The following PGM1 variants were observed in gnomAD, a reference collection of about 807,000 sequenced individuals.
PGM1 encodes the protein phosphoglucomutase 1.
PGM1 carries 52 observed loss-of-function variants against 55.6 expected under a neutral mutation model. The ratio of observed to expected loss-of-function variants is 0.94; its 90% CI spans 0.75 to 1.18. The LOEUF (loss-of-function observed/expected upper bound fraction) is 1.18. Ranked by LOEUF, PGM1 falls within the 50% of genes most tolerant of loss-of-function variation. The probability of loss-of-function intolerance (pLI) is 0.00; values close to 1 mark genes in which losing one functional copy is unlikely to be tolerated. For missense variants in PGM1, 724 were observed against 729.3 expected (o/e 0.99, Z 0.08); for synonymous variants, 287 against 271.7 (o/e 1.06, Z -0.55).
intron 4 of PGM1, among the ~76,000 whole-genome samples, chr1:63,634,020 G>A (rs567830758): frequency 7.3e-6 from 1 of 137,726 alleles, no homozygotes; most frequent in African/African-American, 2.7e-5. Flanking sequence ...GACCTCATGT[G>A]ATCTGTCTGC....
intron 2 of PGM1, 33 bp downstream of exon 2, chr1:63,629,620 T>C (rs1263350163): frequency 6.2e-7 from 1 of 1,600,726 alleles, no homozygotes; most frequent in Non-Finnish European, 8.6e-7. Context: ...GACAGGTAAG[T>C]TTACATTCAG....
intron 1 of PGM1, among the ~76,000 whole-genome samples, chr1:63,624,249 C>CT (rs1222032743): frequency 8.2e-3 from 1 of 122 alleles, no homozygotes; most frequent in African/African-American, 0.05. Flanking sequence ...CGCAGAAATG[C>CT]TAGGAGGGGT....
chr1:63,596,234 T>G (rs1484145724), intron 1 of PGM1, among the ~76,000 whole-genome samples: 11 of 151,028 alleles, frequency 7.3e-5, no homozygotes, highest in African/African-American at 2.7e-4. Flanking sequence ...TTCTTCTTTC[T>G]TTCTTTCTTT....
chr1:63,609,971 T>G (rs1322430461), intron 1 of PGM1, among the ~76,000 whole-genome samples: 1 of 152,234 alleles, frequency 6.6e-6, no homozygotes, highest in Non-Finnish European at 1.5e-5. Flanking sequence ...GACCACTTGG[T>G]GGCTACCTAA....
rs920723420 is a variant in PGM1 at position 63,654,756 on chromosome 1, AAATTAATT to A, written c.1599+305_1599+312del. On this transcript the variant is annotated intron_variant, in intron 10 of 10. Transcript: ENST00000371084. The stretch of plus-strand genomic sequence containing the variant: ...GAGCAAGAGTGAGACCTTATATCAA[AAATTAATT>A]AATTAATTAATTAAAAATAAAAAAT... Among the ~76,000 whole-genome samples, 6 of 152,116 alleles carry A rather than the reference AAATTAATT, an allele frequency of 3.9e-5. No individual in the cohort carries two copies. The South Asian group carries it at 1.2e-3, about 32-fold the overall frequency.
At chr1:63,606,984 C>G (rs1648437563) in intron 1 of PGM1, among the ~76,000 whole-genome samples, 2 of 152,208 alleles carry the variant, frequency 1.3e-5, no homozygotes, top group South Asian at 4.1e-4. Context: ...GATTCACATA[C>G]TATATAATTT....
At chr1:63,626,794 C>T (rs1570490915) in intron 1 of PGM1, among the ~76,000 whole-genome samples, 1 of 152,060 alleles carries the variant, frequency 6.6e-6, no homozygotes, top group African/African-American at 2.4e-5. Context: ...GGTAACAAAA[C>T]ATTGTTGTGC....
At chr1:63,650,300 G>T (rs115438658) in intron 8 of PGM1, among the ~76,000 whole-genome samples, 1 of 152,146 alleles carries the variant, frequency 6.6e-6, no homozygotes, top group Non-Finnish European at 1.5e-5. Context: ...ACAATTAATA[G>T]CCAATAGAGG....
chr1:63,629,428 G>C lies in PGM1; in HGVS notation c.250G>C (p.Gly84Arg). The C allele has an allele frequency of 1.2e-6, 2 of 1,612,840 alleles. No homozygotes were observed. The highest frequency in any genetic ancestry group is 1.7e-6 in the Non-Finnish European group (2 of 1,179,042). Residue 84 changes from glycine to arginine, a missense_variant, in exon 2 of 11, where the codon GGT (glycine) becomes CGT (arginine). Gly to Arg is a moderately radical substitution (Grantham distance 125). This residue lies in a region of PGM1 where 379 missense variants were observed against 357.5 expected (regional missense o/e 1.06). Transcript: ENST00000371084. ...IARIAAANGIGRLVIGQNGIL... is the reference protein window; with the variant it reads ...IARIAAANGIRRLVIGQNGIL... ...TGTTCTGGATTTCTTCTCCTAGATC[G>C]GTCGCTTGGTTATCGGACAGAATGG...
intron 1 of PGM1, among the ~76,000 whole-genome samples, chr1:63,609,736 A>G (rs1314926304): frequency 3.9e-5 from 6 of 152,184 alleles, no homozygotes; most frequent in Non-Finnish European, 7.3e-5. Context: ...CCAATAATGT[A>G]CAATACAGGG....
chr1:63,635,278 T>G (rs1473806429), intron 5 of PGM1, among the ~76,000 whole-genome samples: 1 of 152,224 alleles, frequency 6.6e-6, no homozygotes, highest in Non-Finnish European at 1.5e-5. Context: ...TATGATAGAA[T>G]GACTGGTATT....
intron 1 of PGM1, 134 bp downstream of exon 1, chr1:63,593,868 C>T (rs1647951954): frequency 1.5e-6 from 2 of 1,291,322 alleles, no homozygotes; most frequent in African/African-American, 1.6e-5. Flanking sequence ...GCTCCTCCCT[C>T]TCCTTCGCGC....
intron 1 of PGM1, among the ~76,000 whole-genome samples, chr1:63,615,550 C>CGTTTTTTTTTTTTT (rs1648687670): frequency 1.6e-5 from 1 of 62,976 alleles, no homozygotes; most frequent in African/African-American, 6.7e-5. Flanking sequence ...TCTTCTTCTT[C>CGTTTTTTTTTTTTT]TTTTTTTTTT....
At chr1:63,594,032 GC>G (rs1237839548) in intron 1 of PGM1, 2 of 1,111,958 alleles carry the variant, frequency 1.8e-6, no homozygotes, top group African/African-American at 3.3e-5. Flanking sequence ...TCTAGCCGCT[GC>G]CTTCCCTCTC....
At chr1:63,626,185 A>G (rs1649010269) in intron 1 of PGM1, among the ~76,000 whole-genome samples, 1 of 152,090 alleles carries the variant, frequency 6.6e-6, no homozygotes, top group South Asian at 2.1e-4. Flanking sequence ...GGTTATCTCT[A>G]ACTTGGGAGC....
intron 1 of PGM1, among the ~76,000 whole-genome samples, chr1:63,596,254 CTTTTTTTTT>C (rs531673796): frequency 3.6e-5 from 4 of 111,324 alleles, no homozygotes; most frequent in Non-Finnish European, 7.2e-5. Flanking sequence ...TTTTCTTCTT[CTTTTTTTTT>C]TTTTTTTTTT....
At chr1:63,647,583 G>A (rs1369589908) in intron 7 of PGM1, among the ~76,000 whole-genome samples, 4 of 151,168 alleles carry the variant, frequency 2.6e-5, no homozygotes, top group African/African-American at 9.7e-5. Context: ...TTTTACATTC[G>A]AATTTTTAGT....
chr1:63,646,121 A>C (rs1649638808), intron 7 of PGM1, among the ~76,000 whole-genome samples: 1 of 152,190 alleles, frequency 6.6e-6, no homozygotes, highest in Non-Finnish European at 1.5e-5. Flanking sequence ...GAGAGGAAGG[A>C]AAAACACCAC....
Position 63,634,969 on chromosome 1 carries a change from A to G in PGM1, c.823A>G (p.Thr275Ala), listed in dbSNP as rs1438921612. 6.2e-7 allele frequency: 1 copy of G among 1,613,892 alleles called. No homozygotes were observed. The highest frequency in any genetic ancestry group is 1.1e-5 in the South Asian group (1 of 91,070). ...NLTYAADLVE[T>A]MKSGEHDFGA... ...CACCTATGCAGCTGACCTGGTGGAG[A>G]CCATGAAGTCAGGAGAGCATGATTT... is the stretch of plus-strand genomic sequence containing the variant. Residue 275 changes from threonine to alanine, a missense_variant, in exon 5 of 11, where the codon ACC becomes GCC. Thr to Ala is a moderately conservative substitution (Grantham distance 58). Transcript: ENST00000371084.
Sources: allele counts gnomAD v4.1 joint callset (sites outside exome capture counted in the v4.1 genomes callset), GRCh38; gene constraint gnomAD v4.1.1; regional missense constraint gnomAD v4.1.1; transcripts MANE v1.5; gene names NCBI Gene and HGNC (gene_info 2026-07-23, HGNC 2026-07-21).